The following TENM1 variants were observed in gnomAD, a reference collection of about 807,000 sequenced individuals.
The protein encoded by TENM1 is teneurin transmembrane protein 1.
Under a neutral mutation model 174.8 loss-of-function variants are expected in TENM1, and 35 were observed. The ratio of observed to expected loss-of-function variants is 0.20; its 90% CI spans 0.15 to 0.27. The LOEUF is 0.27. Among genes scored for constraint, TENM1 ranks in the 10% least tolerant of loss-of-function variants. The pLI is 1.00. For synonymous variants in TENM1, 781 were observed against 798.7 expected (o/e 0.98, Z 0.37); for missense variants, 1,633 against 2,130.1 (o/e 0.77, Z 4.59).
chrX:124,383,809 A>C, exon 30 of TENM1: 3 of 1,210,304 alleles, frequency 2.5e-6, no homozygotes, highest in Non-Finnish European at 3.4e-6. Flanking sequence ...CTAATTTAGT[A>C]AGGAAATCAT....
the TENM1 span, among the ~76,000 whole-genome samples, chrX:125,015,174 T>C: frequency 9.0e-6 from 1 of 111,554 alleles, no homozygotes; most frequent in East Asian, 2.8e-4. Flanking sequence ...CTTGGGTGTT[T>C]AGGCATGACA....
At chrX:125,074,264 T>C in the TENM1 span, among the ~76,000 whole-genome samples, 1 of 110,054 alleles carries the variant, frequency 9.1e-6, no homozygotes, top group East Asian at 2.9e-4. Context: ...TTCTTTCTTT[T>C]TTTTTTTTAA....
chrX:124,713,645 G>A (rs1483512994), intron 4 of TENM1, among the ~76,000 whole-genome samples: 1 of 112,172 alleles, frequency 8.9e-6, no homozygotes, highest in Non-Finnish European at 1.9e-5. Context: ...GCCCTATCTG[G>A]TCAACTATCT....
intron 3 of TENM1, among the ~76,000 whole-genome samples, chrX:124,757,294 A>C (rs953605551): frequency 4.4e-5 from 5 of 112,576 alleles, no homozygotes; most frequent in African/African-American, 1.6e-4. Flanking sequence ...GGACCCTCCA[A>C]GCCAGGTGCG....
intron 3 of TENM1, among the ~76,000 whole-genome samples, chrX:124,793,640 G>T (rs949325377): frequency 9.0e-6 from 1 of 111,391 alleles, no homozygotes; most frequent in Non-Finnish European, 1.9e-5. Context: ...TAGAAATTAC[G>T]GAACTTCTCT....
intron 27 of TENM1, among the ~76,000 whole-genome samples, chrX:124,403,878 T>C (rs2060430145): frequency 1.8e-5 from 2 of 111,499 alleles, no homozygotes; most frequent in African/African-American, 6.5e-5. Flanking sequence ...CTACCTGCTC[T>C]GCCCTGACTC....
chrX:124,522,317 C>T (rs1172520407), intron 17 of TENM1, among the ~76,000 whole-genome samples: 1 of 111,311 alleles, frequency 9.0e-6, no homozygotes, highest in Non-Finnish European at 1.9e-5. Context: ...TTGGAGCATG[C>T]ATTTCCTTCT....
Position 124,586,079 on chromosome X carries a change from T to C in TENM1, c.2078-20519A>G, listed in dbSNP as rs2049501110. The stretch of plus-strand genomic sequence containing the variant: ...CAACCAAAAAGAGTCCAGGACCAGA[T>C]GGATTCACAGCCGAATTCTACCAGA... On this transcript the variant is annotated intron_variant, in intron 11 of 31. Transcript: ENST00000422452. Among the ~76,000 whole-genome samples the C allele has an allele frequency of 3.7e-5, 4 of 109,444 alleles. No individual in the cohort carries two copies. In the South Asian group the frequency reaches 1.6e-3, roughly 43 times the overall value.
intron 3 of TENM1, among the ~76,000 whole-genome samples, chrX:124,749,941 G>T (rs1353242030): frequency 9.0e-6 from 1 of 111,338 alleles, no homozygotes; most frequent in Admixed American, 9.6e-5. Flanking sequence ...ATAGTGCCTG[G>T]TACATGTGAC....
the TENM1 span, among the ~76,000 whole-genome samples, chrX:125,101,830 G>T: frequency 9.0e-6 from 1 of 111,433 alleles, no homozygotes; most frequent in Non-Finnish European, 1.9e-5. Context: ...CTTTCAGTAG[G>T]ATACTGACCA....
Position 124,751,575 on chromosome X carries a change from T to C in TENM1, c.536-14378A>G, listed in dbSNP as rs182490591. Among the ~76,000 whole-genome samples, 74 of 109,215 alleles carry C rather than the reference T, an allele frequency of 6.8e-4. No homozygotes were observed. In the East Asian group the frequency reaches 0.018, roughly 27 times the overall value. 94.8% of individuals were successfully genotyped at this position (109,215 alleles called of 115,157 possible). The stretch of plus-strand genomic sequence containing the variant: ...TTACATATGTATATATGTGCCATGC[T>C]GGTGCGCTGCACCCACTAACTCGTC... On this transcript the variant is annotated intron_variant, in intron 3 of 31. Transcript: ENST00000422452.
At chrX:124,972,989 C>CA in the TENM1 span, among the ~76,000 whole-genome samples, 1 of 111,983 alleles carries the variant, frequency 8.9e-6, no homozygotes, top group African/African-American at 3.2e-5. Context: ...AAGTCCAGGT[C>CA]AAGGGGACAC....
At chrX:124,617,956 A>C (rs954257762) in intron 11 of TENM1, among the ~76,000 whole-genome samples, 3 of 112,119 alleles carry the variant, frequency 2.7e-5, no homozygotes, top group Non-Finnish European at 5.6e-5. Context: ...AATAATCCTT[A>C]AGAACTTTCC....
At chrX:124,986,293 T>C in the TENM1 span, among the ~76,000 whole-genome samples, 1 of 111,570 alleles carries the variant, frequency 9.0e-6, no homozygotes, top group Non-Finnish European at 1.9e-5. Context: ...TCAAGTTTTC[T>C]CCTCTTATTA....
chrX:124,420,811 G>C, exon 25 of TENM1: 1 of 1,207,099 alleles, frequency 8.3e-7, no homozygotes, highest in South Asian at 1.8e-5. Flanking sequence ...CTTTGGCATA[G>C]CCACCATCAC....
At chrX:124,392,446 G>C (rs377675635) in intron 27 of TENM1, 98 bp from the exon 31 acceptor site, 7 of 715,247 alleles carry the variant, frequency 9.8e-6, no homozygotes, top group East Asian at 6.5e-5. Flanking sequence ...TCCAACGATA[G>C]AGTCTGTCTT....
chrX:124,968,881 A>G, the TENM1 span, among the ~76,000 whole-genome samples: 1 of 112,020 alleles, frequency 8.9e-6, no homozygotes, highest in Non-Finnish European at 1.9e-5. Context: ...CATTTTTTTC[A>G]AAATAAAAAA....
chrX:125,143,472 T>G, the TENM1 span, among the ~76,000 whole-genome samples: 4 of 111,839 alleles, frequency 3.6e-5, no homozygotes. Context: ...GACAATAGTT[T>G]ACACACCTTC....
chrX:124,660,374 C>CA (rs778832717), intron 6 of TENM1, among the ~76,000 whole-genome samples: 2,032 of 103,000 alleles, frequency 0.02, 54 homozygotes, highest in African/African-American at 0.07. Flanking sequence ...GACTCCATCT[C>CA]CAAAAAAAAA....
Sources: gnomAD v4.1 joint callset for allele counts (sites outside exome capture counted in the v4.1 genomes callset) on GRCh38, gnomAD v4.1.1 for gene constraint, MANE v1.5 for transcripts, NCBI Gene and HGNC (gene_info 2026-07-23, HGNC 2026-07-21) for gene names.